Variants in ROR2 observed in about 807,000 individuals in gnomAD.
ROR2 encodes ROR family WNT receptor 2.
In ROR2, 33 loss-of-function variants were observed where a neutral mutation model predicts 74.9. The observed-to-expected ratio is 0.44, with a 90% confidence interval of 0.33 to 0.59. The LOEUF is 0.59. ROR2 is among the 20% of genes least tolerant of loss of function. The pLI, the probability that ROR2 is intolerant of heterozygous loss-of-function variation, is 0.02. For synonymous variants in ROR2, 586 were observed against 558.7 expected (o/e 1.05, Z -0.69); for missense variants, 1,216 against 1,313.8 (o/e 0.93, Z 1.15).
At chr9:91,759,840 G>A (rs1825860489) in intron 2 of ROR2, among the ~76,000 whole-genome samples, 1 of 152,186 alleles carries the variant, frequency 6.6e-6, no homozygotes, top group Non-Finnish European at 1.5e-5. Context: ...GCCAGGCCTT[G>A]AGGCAGCCAT....
intron 1 of ROR2, among the ~76,000 whole-genome samples, chr9:91,851,520 C>G (rs1368049714): frequency 6.6e-6 from 1 of 152,118 alleles, no homozygotes; most frequent in Admixed American, 6.5e-5. Context: ...TTCACTTTTT[C>G]TGTCTTGGTT....
chr9:91,737,555 G>A (rs1368137494), intron 4 of ROR2, 37 bp from the exon 5 acceptor site: 2 of 1,613,944 alleles, frequency 1.2e-6, no homozygotes, highest in Non-Finnish European at 1.7e-6. Flanking sequence ...AGAGCTCTGG[G>A]AGGTGCCAGG....
At chr9:91,803,967 T>A (rs1185274310) in intron 1 of ROR2, among the ~76,000 whole-genome samples, 2 of 152,262 alleles carry the variant, frequency 1.3e-5, no homozygotes, top group Non-Finnish European at 2.9e-5. Context: ...TTTTCTGGGA[T>A]GATCTCTTCT....
intron 1 of ROR2, among the ~76,000 whole-genome samples, chr9:91,918,926 C>CA (rs1308190249): frequency 6.6e-6 from 1 of 152,116 alleles, no homozygotes; most frequent in African/African-American, 2.4e-5. Context: ...CACAGCCCCC[C>CA]AACCCCTGTC....
chr9:91,906,412 A>G (rs1054950694), intron 1 of ROR2, among the ~76,000 whole-genome samples: 1 of 152,208 alleles, frequency 6.6e-6, no homozygotes, highest in African/African-American at 2.4e-5. Flanking sequence ...CTGCCGTCTC[A>G]GCTCCCAGGA....
intron 1 of ROR2, among the ~76,000 whole-genome samples, chr9:91,834,278 T>C (rs1828551243): frequency 6.6e-6 from 1 of 152,072 alleles, no homozygotes; most frequent in Non-Finnish European, 1.5e-5. Context: ...CTGTGTTTCA[T>C]CTCCTCCCTT....
At chr9:91,763,151 A>G (rs1461965707) in intron 2 of ROR2, among the ~76,000 whole-genome samples, 1 of 152,204 alleles carries the variant, frequency 6.6e-6, no homozygotes, top group Non-Finnish European at 1.5e-5. Context: ...AGAAGGGAAC[A>G]ACAGACACCA....
chr9:91,860,236 C>T (rs757367355), intron 1 of ROR2, among the ~76,000 whole-genome samples: 8 of 152,130 alleles, frequency 5.3e-5, no homozygotes, highest in Non-Finnish European at 1.2e-4. Context: ...CGGGAGACAA[C>T]GGGCATCCTT....
At chr9:91,749,869 T>C (rs1217891375) in intron 4 of ROR2, among the ~76,000 whole-genome samples, 1 of 152,156 alleles carries the variant, frequency 6.6e-6, no homozygotes, top group Non-Finnish European at 1.5e-5. Flanking sequence ...ACCTAGAAAT[T>C]ATTTTGAAAC....
At chr9:91,918,666 A>G (rs1359490967) in intron 1 of ROR2, among the ~76,000 whole-genome samples, 1 of 152,200 alleles carries the variant, frequency 6.6e-6, no homozygotes, top group Non-Finnish European at 1.5e-5. Flanking sequence ...GATTCTGTGA[A>G]TATCTTAAAA....
chr9:91,786,662 A>G (rs891999713), intron 1 of ROR2, among the ~76,000 whole-genome samples: 4 of 152,152 alleles, frequency 2.6e-5, no homozygotes, highest in African/African-American at 7.2e-5. Flanking sequence ...CCCATAACAG[A>G]GTCAACATTT....
chr9:91,778,022 A>G (rs1826478583), intron 1 of ROR2, among the ~76,000 whole-genome samples: 1 of 152,214 alleles, frequency 6.6e-6, no homozygotes, highest in South Asian at 2.1e-4. Flanking sequence ...TGACTGAAGT[A>G]TGAAAGGGAG....
At chr9:91,829,163 G>A (rs947284808) in intron 1 of ROR2, among the ~76,000 whole-genome samples, 3 of 152,344 alleles carry the variant, frequency 2.0e-5, no homozygotes, top group Middle Eastern at 3.4e-3. Flanking sequence ...ACAGGCAGTC[G>A]CTTCCGCGGA....
At position 91,724,114 on chromosome 9, in the gene ROR2, G is replaced by A; in HGVS notation, c.2380C>T (p.Pro794Ser). 6.2e-7 allele frequency: 1 copy of A among 1,610,900 alleles called. No individual in the cohort carries two copies. Among genetic ancestry groups the A allele is most frequent in the Non-Finnish European group, 8.5e-7 (1 of 1,179,968 alleles). The change falls in exon 9 of 9, where the codon CCG becomes TCG. Residue 794 changes from proline (P) to serine (S), a missense_variant. Pro to Ser is a moderately conservative substitution (Grantham distance 74). Coordinates refer to ENST00000375708, the MANE Select transcript of ROR2 (RefSeq NM_004560.4). Reference sequence around the variant, plus strand: ...ATGAACTGGGGCTGTGGGAAGGGCGGGGCCTTCTGCTTGGGCCCCACGTAG... The same window carrying A: ...ATGAACTGGGGCTGTGGGAAGGGCGAGGCCTTCTGCTTGGGCCCCACGTAG... ...ARYVGPKQKAPPFPQPQFIPM... is the reference protein window; with the variant it reads ...ARYVGPKQKASPFPQPQFIPM...
chr9:91,928,667 G>A (rs1017778670), intron 1 of ROR2, among the ~76,000 whole-genome samples: 4 of 152,182 alleles, frequency 2.6e-5, no homozygotes, highest in African/African-American at 9.7e-5. Context: ...CTGTAAAAGG[G>A]ACAAACAGCA....
chr9:91,822,958 C>T (rs1198038940), intron 1 of ROR2, among the ~76,000 whole-genome samples: 1 of 152,110 alleles, frequency 6.6e-6, no homozygotes, highest in South Asian at 2.1e-4. Context: ...GAAACATCAC[C>T]GGAGGGAACA....
chr9:91,778,370 G>C (rs1360290177), intron 1 of ROR2, among the ~76,000 whole-genome samples: 1 of 152,216 alleles, frequency 6.6e-6, no homozygotes, highest in African/African-American at 2.4e-5. Context: ...GCTGGTGAAT[G>C]ATCACGGTCG....
chr9:91,949,476 G>T (rs1832109319), intron 1 of ROR2, among the ~76,000 whole-genome samples: 1 of 152,016 alleles, frequency 6.6e-6, no homozygotes, highest in Admixed American at 6.5e-5. Context: ...GAAGGAGGAA[G>T]ACCTCGGGGA....
intron 1 of ROR2, among the ~76,000 whole-genome samples, chr9:91,927,779 G>A (rs1831449003): frequency 6.6e-6 from 1 of 151,904 alleles, no homozygotes; most frequent in Admixed American, 6.6e-5. Context: ...GCCCAGGCTG[G>A]TCTTGAACTC....
Sources: allele counts gnomAD v4.1 joint callset (sites outside exome capture counted in the v4.1 genomes callset), GRCh38; gene constraint gnomAD v4.1.1; transcripts MANE v1.5; gene names NCBI Gene and HGNC (gene_info 2026-07-23, HGNC 2026-07-21).